The following PTPRM variants were observed in gnomAD, a reference collection of about 807,000 sequenced individuals.
The protein encoded by PTPRM is protein tyrosine phosphatase receptor type M, also known as receptor-type tyrosine-protein phosphatase mu.
PTPRM carries 47 observed loss-of-function variants against 186.7 expected under a neutral mutation model. The ratio of observed to expected loss-of-function variants is 0.25; its 90% CI spans 0.20 to 0.32. The LOEUF is 0.32. Ranked by LOEUF, PTPRM falls within the 10% of genes least tolerant of loss-of-function variation. PTPRM has a pLI of 1.00. For synonymous variants in PTPRM, 668 were observed against 674.9 expected, an observed-to-expected ratio of 0.99 and a Z score of 0.16; for missense variants, 1,494 against 1,865.0, an observed-to-expected ratio of 0.80 and a Z score of 3.66.
chr18:8,352,652 G>GTTTTTTTTTTTTTTTTTTTTTTTT (rs142090056), intron 23 of PTPRM, among the ~76,000 whole-genome samples: 4 of 102,226 alleles, frequency 3.9e-5, no homozygotes, highest in Non-Finnish European at 6.5e-5. Context: ...TTTTTGGTTT[G>GTTTTTTTTTTTTTTTTTTTTTTTT]GTTTTTTTTG....
At chr18:7,885,381 C>T (rs1005799111) in intron 2 of PTPRM, among the ~76,000 whole-genome samples, 6 of 152,124 alleles carry the variant, frequency 3.9e-5, no homozygotes, top group African/African-American at 1.4e-4. Flanking sequence ...CCACCAAACC[C>T]CCCTTCTTGC....
At chr18:8,273,919 C>G (rs2094802908) in intron 19 of PTPRM, among the ~76,000 whole-genome samples, 1 of 152,206 alleles carries the variant, frequency 6.6e-6, no homozygotes, top group African/African-American at 2.4e-5. Context: ...AACATTAGTT[C>G]TGACTGTCAG....
At chr18:7,700,975 C>CAA (rs1262649146) in intron 1 of PTPRM, among the ~76,000 whole-genome samples, 1,003 of 60,896 alleles carry the variant, frequency 0.016, 54 homozygotes, top group African/African-American at 0.061. Flanking sequence ...GAGCCTATCT[C>CAA]AAAAAAAAAA....
chr18:8,325,995 G>T (rs1340346797), intron 22 of PTPRM, among the ~76,000 whole-genome samples: 1 of 152,078 alleles, frequency 6.6e-6, no homozygotes, highest in African/African-American at 2.4e-5. Context: ...ATCTGTTCCT[G>T]TTTTTTGCCA....
At chr18:7,993,601 C>A (rs994710217) in intron 7 of PTPRM, among the ~76,000 whole-genome samples, 4 of 152,026 alleles carry the variant, frequency 2.6e-5, no homozygotes, top group Non-Finnish European at 5.9e-5. Context: ...AAAAAGACTC[C>A]TGGTGAAGAA....
At chr18:8,224,877 T>G (rs1301231924) in intron 14 of PTPRM, among the ~76,000 whole-genome samples, 4 of 152,234 alleles carry the variant, frequency 2.6e-5, no homozygotes, top group Non-Finnish European at 4.4e-5. Context: ...TGATTCAACT[T>G]TCTTATTTTG....
At chr18:7,612,818 CAAG>C (rs2037708576) in intron 1 of PTPRM, among the ~76,000 whole-genome samples, 1 of 152,104 alleles carries the variant, frequency 6.6e-6, no homozygotes, top group South Asian at 2.1e-4. Context: ...CCAGTCACTG[CAAG>C]AAGGCTTTGT....
rs537582116 is a variant in PTPRM at position 7,899,369 on chromosome 18, A to G, written c.469-7136A>G. Among the ~76,000 whole-genome samples the G allele has an allele frequency of 3.3e-5, 5 of 152,298 alleles. No individual in the cohort carries two copies. In the East Asian group the frequency reaches 5.8e-4, roughly 18 times the overall value. On this transcript the variant is annotated intron_variant, in intron 3 of 32. Transcript: ENST00000580170. The stretch of plus-strand genomic sequence containing the variant: ...CAGATACCATGAAAGCTTTGCAAGT[A>G]TTGATTTTTGGGGGTTACAAATAAA...
At chr18:7,601,082 A>G (rs1598494666) in intron 1 of PTPRM, among the ~76,000 whole-genome samples, 1 of 152,224 alleles carries the variant, frequency 6.6e-6, no homozygotes. Context: ...CGGCTGGCCC[A>G]GTGGCGTGGC....
At chr18:7,586,820 C>T (rs1362039033) in intron 1 of PTPRM, among the ~76,000 whole-genome samples, 1 of 152,130 alleles carries the variant, frequency 6.6e-6, no homozygotes, top group African/African-American at 2.4e-5. Context: ...TTTTAAAATA[C>T]AACTTGTACA....
chr18:7,582,248 C>T (rs754923036), intron 1 of PTPRM, among the ~76,000 whole-genome samples: 2 of 152,102 alleles, frequency 1.3e-5, no homozygotes, highest in African/African-American at 2.4e-5. Flanking sequence ...AAGTTGGGCT[C>T]GGTATACTTT....
chr18:7,866,710 G>A (rs138491041), intron 2 of PTPRM, among the ~76,000 whole-genome samples: 3 of 152,222 alleles, frequency 2.0e-5, no homozygotes, highest in East Asian at 3.9e-4. Flanking sequence ...GGTCCACTTG[G>A]TCCCTGTCTG....
chr18:7,829,674 G>T (rs1000070200), intron 2 of PTPRM, among the ~76,000 whole-genome samples: 3 of 152,132 alleles, frequency 2.0e-5, no homozygotes, highest in African/African-American at 7.2e-5. Flanking sequence ...TATATGTGAG[G>T]CTTATGAAAT....
intron 2 of PTPRM, among the ~76,000 whole-genome samples, chr18:7,874,597 C>T (rs2048140380): frequency 6.7e-6 from 1 of 149,938 alleles, no homozygotes; most frequent in South Asian, 2.1e-4. Flanking sequence ...CTATGAAAAA[C>T]GAGTTTTAAA....
At chr18:8,200,361 G>A (rs1176631303) in intron 14 of PTPRM, among the ~76,000 whole-genome samples, 2 of 152,060 alleles carry the variant, frequency 1.3e-5, no homozygotes, top group Non-Finnish European at 2.9e-5. Flanking sequence ...CCAGGGTGGG[G>A]GCACGACCCT....
At chr18:7,788,504 A>C (rs2043192285) in intron 2 of PTPRM, among the ~76,000 whole-genome samples, 1 of 152,202 alleles carries the variant, frequency 6.6e-6, no homozygotes, top group African/African-American at 2.4e-5. Context: ...AGCTTATCTA[A>C]GTTCCATCAG....
chr18:7,818,178 A>G (rs1168623048), intron 2 of PTPRM, among the ~76,000 whole-genome samples: 1 of 152,204 alleles, frequency 6.6e-6, no homozygotes, highest in Non-Finnish European at 1.5e-5. Context: ...TTTATACAAC[A>G]GCAGTCTCTC....
Position 7,826,717 on chromosome 18 carries a change from A to G in PTPRM, c.196+52446A>G, listed in dbSNP as rs74851150. On this transcript the variant is annotated intron_variant, in intron 2 of 32. Transcript: ENST00000580170. Reference sequence around the variant, plus strand: ...ACAAAATAAAAGTAACTCCCATCATATTATCCAAAGAAAACAACTTTTTGT... The same window carrying G: ...ACAAAATAAAAGTAACTCCCATCATGTTATCCAAAGAAAACAACTTTTTGT... 2.4e-3 allele frequency among the ~76,000 whole-genome samples: 362 copies of G among 152,346 alleles called. 7 individuals carry two copies. The East Asian group carries it at 0.057, about 24-fold the overall frequency.
chr18:8,397,219 G>A (rs913835438), intron 32 of PTPRM, among the ~76,000 whole-genome samples: 53 of 152,254 alleles, frequency 3.5e-4, no homozygotes, highest in African/African-American at 1.2e-3. Context: ...TCACATGTGT[G>A]GCTGCATTCC....
Sources: allele counts gnomAD v4.1 joint callset (sites outside exome capture counted in the v4.1 genomes callset), GRCh38; gene constraint gnomAD v4.1.1; transcripts MANE v1.5; gene names NCBI Gene and HGNC (gene_info 2026-07-23, HGNC 2026-07-21).